CTCFL: variants seen among roughly 807,000 people sequenced by gnomAD.
The protein encoded by CTCFL is CCCTC-binding factor like, also known as transcriptional repressor CTCFL.
In CTCFL, 36 loss-of-function variants were observed where a neutral mutation model predicts 67.4. The observed-to-expected ratio is 0.53, with a 90% CI of 0.41 to 0.71. The LOEUF (loss-of-function observed/expected upper bound fraction) is 0.71. CTCFL is among the 30% of genes least tolerant of loss of function. The pLI is 0.00. For missense variants in CTCFL, 786 were observed against 835.2 expected, an observed-to-expected ratio of 0.94 and a Z score of 0.73; for synonymous variants, 324 against 302.3, an observed-to-expected ratio of 1.07 and a Z score of -0.75.
At chr20:57,511,356 A>G (rs572213354) in intron 8 of CTCFL, among the ~76,000 whole-genome samples, 3 of 151,896 alleles carry the variant, frequency 2.0e-5, no homozygotes, top group African/African-American at 7.2e-5. Context: ...ATTTCTTACC[A>G]TGGGTTGCAA....
intron 7 of CTCFL, chr20:57,513,936 T>C: frequency 7.9e-7 from 1 of 1,273,360 alleles, no homozygotes. Context: ...TGCTCAACAC[T>C]GGCTGGCTTC....
rs148509900 is a variant in CTCFL, at chr20:57,503,599, A to C, written c.1677T>G (p.Ile559Met). 3 of 1,614,060 alleles carry C rather than the reference A, an allele frequency of 1.9e-6. No individual in the cohort carries two copies. Among genetic ancestry groups the C allele is most frequent in the Non-Finnish European group, 2.5e-6 (3 of 1,179,972 alleles). ...ACTTCTCCGAATGTCTGTGCAGGTTAATCTGTCGGAGAATTGACACAGAAC... is the reference window on the plus strand; with the variant it reads ...ACTTCTCCGAATGTCTGTGCAGGTTCATCTGTCGGAGAATTGACACAGAAC... The part of the protein sequence containing the change: ...SKCGKGFSRW[I>M]NLHRHSEKCG... The change falls in exon 10 of 11, where the codon ATT (isoleucine) becomes ATG (methionine). Residue 559 changes from isoleucine to methionine, a missense_variant and splice_region_variant. Ile to Met is a conservative substitution (Grantham distance 10). Transcript: ENST00000243914.
intron 3 of CTCFL, among the ~76,000 whole-genome samples, chr20:57,520,744 T>A (rs1005782827): frequency 2.0e-5 from 3 of 152,358 alleles, no homozygotes; most frequent in Middle Eastern, 3.4e-3. Context: ...GATAAAATAC[T>A]CAACAAACTT....
chr20:57,515,630 T>C, intron 6 of CTCFL, 84 bp downstream of exon 6: 1 of 1,564,614 alleles, frequency 6.4e-7, no homozygotes, highest in Non-Finnish European at 8.8e-7. Flanking sequence ...TGAACTTTAA[T>C]TGTGCCAATA....
Position 57,514,577 on chromosome 20 carries a change from C to G in CTCFL, c.1330+15G>C. On this transcript the variant is annotated intron_variant, in intron 7 of 10. Coordinates refer to ENST00000243914, the MANE Select transcript of CTCFL (RefSeq NM_001386993.1). The stretch of plus-strand genomic sequence containing the variant: ...GCAAATGCTGTAGTAAAAGAAAGAT[C>G]GCTAAACCACTCACGTAGGTCGCTT... The G allele has an allele frequency of 6.2e-7, 1 of 1,613,424 alleles. No individual in the cohort carries two copies. Among genetic ancestry groups the G allele is most frequent in the Non-Finnish European group, 8.5e-7 (1 of 1,179,544 alleles).
Position 57,506,754 on chromosome 20 carries a change from T to C in CTCFL, c.1674+1852A>G, listed in dbSNP as rs184107199. ...GGGACTGCATGAGGCAGACTTGTTCTTTTCTCTACATTTTTATTTCTTGCA... is the reference window on the plus strand; with the variant it reads ...GGGACTGCATGAGGCAGACTTGTTCCTTTCTCTACATTTTTATTTCTTGCA... On this transcript the variant is annotated intron_variant, in intron 9 of 10. Coordinates refer to ENST00000243914, the MANE Select transcript of CTCFL (RefSeq NM_001386993.1). The C allele has an allele frequency of 1.8e-5, 18 of 980,952 alleles. No homozygotes were observed. The East Asian group carries it at 1.9e-3, about 105-fold the overall frequency. 60.8% of individuals were successfully genotyped at this position (980,952 alleles called of 1,614,324 possible). A position where few individuals can be genotyped will look rare whatever the true frequency, so the allele number is the denominator to read the frequency against.
chr20:57,512,846 C>A, intron 7 of CTCFL, 94 bp from the exon 8 acceptor site: 1 of 1,227,012 alleles, frequency 8.1e-7, no homozygotes, highest in Non-Finnish European at 1.2e-6. Flanking sequence ...TCAGCCTTGG[C>A]GCTGGAACAT....
chr20:57,499,623 C>T, intron 10 of CTCFL: 1 of 186,046 alleles, frequency 5.4e-6, no homozygotes, highest in Non-Finnish European at 1.1e-5. Context: ...AATTATACAG[C>T]TCACCATAAT....
Position 57,498,636 on chromosome 20 carries a change from C to T in CTCFL, c.1906G>A (p.Ala636Thr), listed in dbSNP as rs141554434. 39 of 1,613,954 alleles carry T rather than the reference C, an allele frequency of 2.4e-5. No individual in the cohort carries two copies. Among genetic ancestry groups the T allele is most frequent in the Middle Eastern group, 1.6e-4 (1 of 6,084 alleles). The change falls in exon 11 of 11, where the codon GCC becomes ACC. Residue 636 changes from alanine (A) to threonine (T), a missense_variant. This residue lies in a region of CTCFL where 199 missense variants were observed against 196.7 expected (regional missense o/e 1.01). Coordinates refer to ENST00000243914, the MANE Select transcript of CTCFL (RefSeq NM_001386993.1). Reference protein sequence around the residue: ...EQFPGEMFPVACRETTARVKE... With the variant: ...EQFPGEMFPVTCRETTARVKE... Reference sequence around the variant, plus strand: ...ACTCTGGCTGTGGTTTCTCTGCAGGCGACAGGAAACATCTCTCCTGGGAAC... The same window carrying T: ...ACTCTGGCTGTGGTTTCTCTGCAGGTGACAGGAAACATCTCTCCTGGGAAC...
At chr20:57,511,548 A>G (rs1280496376) in intron 8 of CTCFL, among the ~76,000 whole-genome samples, 1 of 151,792 alleles carries the variant, frequency 6.6e-6, no homozygotes, top group Non-Finnish European at 1.5e-5. Context: ...GACATATTTC[A>G]TCACACAATA....
At chr20:57,522,175 G>C (rs1265459140) in intron 3 of CTCFL, among the ~76,000 whole-genome samples, 3 of 152,154 alleles carry the variant, frequency 2.0e-5, no homozygotes, top group East Asian at 1.9e-4. Flanking sequence ...GAAGGGCCCT[G>C]ACCACATGTA....
rs1477628357 is a variant in CTCFL at position 57,513,330 on chromosome 20, TCATCTAAGTCTAAAG to T, written c.1331-593_1331-579del. ...CATGGTAAGGTCTGGCTGGGTTTGC[TCATCTAAGTCTAAAG>T]CATGATGGTCTTGTGATACTTGTGT... On this transcript the variant is annotated intron_variant, in intron 7 of 10. Transcript: ENST00000243914. 5 of 986,098 alleles carry T rather than the reference TCATCTAAGTCTAAAG, an allele frequency of 5.1e-6. No homozygotes were observed. In the African/African-American group the frequency reaches 8.7e-5, roughly 17 times the overall value. 61.1% of individuals were successfully genotyped at this position (986,098 alleles called of 1,614,324 possible). A position where few individuals can be genotyped will look rare whatever the true frequency, so the allele number is the denominator to read the frequency against.
At chr20:57,516,510 C>T (rs1482693703) in intron 5 of CTCFL, among the ~76,000 whole-genome samples, 2 of 152,148 alleles carry the variant, frequency 1.3e-5, no homozygotes, top group Non-Finnish European at 2.9e-5. Context: ...GCACTCCAAC[C>T]AGGGTAACAG....
chr20:57,496,384 C>A (rs573737814), downstream of CTCFL: 2 of 574,404 alleles, frequency 3.5e-6, no homozygotes, highest in East Asian at 5.9e-5. Context: ...AATTAAAACT[C>A]TTTTCTTTAT....
chr20:57,514,490 C>T (rs1027241429), intron 7 of CTCFL, 102 bp downstream of exon 7: 26 of 1,386,198 alleles, frequency 1.9e-5, no homozygotes, highest in Middle Eastern at 3.8e-4. Flanking sequence ...TCCCGAAGAC[C>T]GGGCCTCCCA....
At chr20:57,522,106 A>G (rs1449244167) in intron 3 of CTCFL, among the ~76,000 whole-genome samples, 2 of 152,222 alleles carry the variant, frequency 1.3e-5, no homozygotes. Context: ...AGAAACTACT[A>G]TGTACCAAAA....
chr20:57,497,674 G>A lies in CTCFL; in HGVS notation c.*876C>T, dbSNP rs2146265780. 1 of 985,296 alleles carries A rather than the reference G, an allele frequency of 1.0e-6. No individual in the cohort carries two copies. Among genetic ancestry groups the A allele is most frequent in the African/African-American group, 1.7e-5 (1 of 57,340 alleles). 61.0% of individuals were successfully genotyped at this position (985,296 alleles called of 1,614,324 possible). A position where few individuals can be genotyped will look rare whatever the true frequency, so the allele number is the denominator to read the frequency against. ...TATGAAAAAGTACAAATTCCTTACA[G>A]GTACACATTTGCCTTATCTGATTTT... is the stretch of plus-strand genomic sequence containing the variant. On this transcript the variant is annotated 3_prime_UTR_variant, in exon 11 of 11. Transcript: ENST00000243914.
chr20:57,503,929 A>G (rs1410711013), intron 9 of CTCFL, among the ~76,000 whole-genome samples: 2 of 141,838 alleles, frequency 1.4e-5, no homozygotes, highest in South Asian at 2.2e-4. Flanking sequence ...TGAGTGACAG[A>G]AAAAAAAAAA....
intron 7 of CTCFL, among the ~76,000 whole-genome samples, 157 bp downstream of exon 7, chr20:57,514,435 T>C (rs1188593261): frequency 6.6e-6 from 1 of 152,186 alleles, no homozygotes; most frequent in Non-Finnish European, 1.5e-5. Context: ...AGCCACCAGA[T>C]GGTGCGACAG....
Sources: allele counts gnomAD v4.1 joint callset (sites outside exome capture counted in the v4.1 genomes callset), GRCh38; gene constraint gnomAD v4.1.1; regional missense constraint gnomAD v4.1.1; transcripts MANE v1.5; gene names NCBI Gene and HGNC (gene_info 2026-07-23, HGNC 2026-07-21).